The following PTPRG variants were observed in gnomAD, a reference collection of about 807,000 sequenced individuals.
The protein encoded by PTPRG is protein tyrosine phosphatase receptor type G.
PTPRG carries 102 observed loss-of-function variants against 165.3 expected under a neutral mutation model. The observed-to-expected ratio is 0.62, with a 90% CI of 0.53 to 0.73. The LOEUF (loss-of-function observed/expected upper bound fraction) is 0.73. Ranked by LOEUF, PTPRG falls within the 30% of genes least tolerant of loss-of-function variation. PTPRG has a pLI of 0.00. For missense variants in PTPRG, 1,866 were observed against 1,861.4 expected (o/e 1.00, Z -0.05); for synonymous variants, 675 against 669.5 (o/e 1.01, Z -0.13).
chr3:61,864,700 C>A (rs62243202), intron 2 of PTPRG, among the ~76,000 whole-genome samples: 17,988 of 152,096 alleles, frequency 0.12, 1,622 homozygotes, highest in East Asian at 0.48. Context: ...TGGAGCATTC[C>A]AATAACACAG....
At chr3:61,566,917 G>T (rs1487061566) in intron 1 of PTPRG, among the ~76,000 whole-genome samples, 1 of 152,310 alleles carries the variant, frequency 6.6e-6, no homozygotes, top group South Asian at 2.1e-4. Flanking sequence ...TGCAATATGC[G>T]TACATTCTGA....
At chr3:61,963,061 C>T (rs368779414) in intron 2 of PTPRG, among the ~76,000 whole-genome samples, 7 of 152,026 alleles carry the variant, frequency 4.6e-5, no homozygotes, top group East Asian at 3.8e-4. Context: ...TATTAGTTTT[C>T]GTTTATCCTT....
chr3:61,851,504 C>T (rs2036963072), intron 2 of PTPRG, among the ~76,000 whole-genome samples: 1 of 152,090 alleles, frequency 6.6e-6, no homozygotes, highest in Non-Finnish European at 1.5e-5. Context: ...TATCTCATGG[C>T]GTGCTTTATC....
At chr3:61,726,978 C>T (rs1487750768) in intron 1 of PTPRG, among the ~76,000 whole-genome samples, 2 of 149,250 alleles carry the variant, frequency 1.3e-5, no homozygotes, top group African/African-American at 2.5e-5. Context: ...ACCCGGGAGG[C>T]GGAGCTTGCA....
chr3:61,808,888 C>G (rs1174685031), intron 2 of PTPRG, among the ~76,000 whole-genome samples: 2 of 151,104 alleles, frequency 1.3e-5, no homozygotes, highest in East Asian at 3.9e-4. Flanking sequence ...CCTTTTGTAT[C>G]TTTGTTGATA....
intron 1 of PTPRG, among the ~76,000 whole-genome samples, chr3:61,592,932 T>TAGAG (rs10684509): frequency 0.83 from 125,437 of 151,768 alleles, 52,227 homozygotes; most frequent in Middle Eastern, 0.93. Context: ...GGTGGTTCCT[T>TAGAG]AGAATAAATA....
intron 1 of PTPRG, among the ~76,000 whole-genome samples, chr3:61,587,882 C>T (rs567760318): frequency 1.3e-5 from 2 of 151,020 alleles, no homozygotes; most frequent in Admixed American, 1.3e-4. Context: ...TGGTCTCAGA[C>T]TCCTGGGCTT....
chr3:61,937,905 A>T (rs574555669), intron 2 of PTPRG, among the ~76,000 whole-genome samples: 1 of 151,894 alleles, frequency 6.6e-6, no homozygotes, highest in South Asian at 2.1e-4. Flanking sequence ...GCTGTAAATG[A>T]AAAGGAAAAA....
intron 8 of PTPRG, among the ~76,000 whole-genome samples, chr3:62,170,779 G>A (rs1417573624): frequency 6.6e-6 from 1 of 152,084 alleles, no homozygotes; most frequent in African/African-American, 2.4e-5. Flanking sequence ...CTATTTGTGT[G>A]TTTAACTTAT....
chr3:61,697,151 T>C (rs1345429368), intron 1 of PTPRG, among the ~76,000 whole-genome samples: 1 of 152,210 alleles, frequency 6.6e-6, no homozygotes, highest in Admixed American at 6.5e-5. Context: ...CTCCTGCTTT[T>C]CTTCACTGAA....
intron 2 of PTPRG, among the ~76,000 whole-genome samples, chr3:61,768,823 C>G (rs1433187998): frequency 6.6e-6 from 1 of 152,068 alleles, no homozygotes; most frequent in South Asian, 2.1e-4. Flanking sequence ...AAGGTTGATT[C>G]TCCTGAGTTG....
intron 1 of PTPRG, among the ~76,000 whole-genome samples, chr3:61,682,475 A>G (rs1015434972): frequency 4.6e-5 from 7 of 152,214 alleles, no homozygotes; most frequent in African/African-American, 1.7e-4. Flanking sequence ...TGTAAAGTTA[A>G]ACATAAAAAA....
chr3:61,606,011 C>A (rs1211937632), intron 1 of PTPRG, among the ~76,000 whole-genome samples: 1 of 152,368 alleles, frequency 6.6e-6, no homozygotes, highest in East Asian at 1.9e-4. Flanking sequence ...CCCCTCACCC[C>A]ATGTGGTGTA....
At chr3:62,174,361 A>G (rs1313330106) in intron 8 of PTPRG, among the ~76,000 whole-genome samples, 2 of 152,244 alleles carry the variant, frequency 1.3e-5, no homozygotes, top group African/African-American at 4.8e-5. Flanking sequence ...ATAAAAGCAA[A>G]GGAAATGGAG....
At chr3:61,792,367 G>A (rs367776504) in intron 2 of PTPRG, among the ~76,000 whole-genome samples, 4 of 152,156 alleles carry the variant, frequency 2.6e-5, no homozygotes, top group African/African-American at 4.8e-5. Context: ...GGGACTGCAG[G>A]TGTGCGCCAC....
At chr3:62,091,599 A>G (rs999752174) in intron 5 of PTPRG, among the ~76,000 whole-genome samples, 2 of 152,166 alleles carry the variant, frequency 1.3e-5, no homozygotes, top group East Asian at 1.9e-4. Context: ...TCAAAGTCAT[A>G]AAACGGGGAT....
chr3:61,800,763 C>G (rs1200160180), intron 2 of PTPRG, among the ~76,000 whole-genome samples: 1 of 151,778 alleles, frequency 6.6e-6, no homozygotes, highest in African/African-American at 2.4e-5. Flanking sequence ...CCTGCCTCAG[C>G]CTCCCGAGTA....
chr3:62,120,800 C>T (rs897914734), intron 5 of PTPRG, among the ~76,000 whole-genome samples: 22 of 151,156 alleles, frequency 1.5e-4, no homozygotes, highest in Admixed American at 2.6e-4. Context: ...TGTGGGTAGA[C>T]GATTGTGATT....
At chr3:61,693,900 C>A (rs1352781539) in intron 1 of PTPRG, among the ~76,000 whole-genome samples, 2 of 150,508 alleles carry the variant, frequency 1.3e-5, no homozygotes, top group African/African-American at 4.9e-5. Context: ...CCCAGCTACT[C>A]GGGAGGCTGA....
Sources: allele counts gnomAD v4.1 joint callset (sites outside exome capture counted in the v4.1 genomes callset), GRCh38; gene constraint gnomAD v4.1.1; transcripts MANE v1.5; gene names NCBI Gene and HGNC (gene_info 2026-07-23, HGNC 2026-07-21).